Variants in MEIS1 observed in about 807,000 individuals in gnomAD.
MEIS1 encodes the protein homeobox protein Meis1.
MEIS1 carries 5 observed loss-of-function variants against 50.8 expected under a neutral mutation model. That is an observed-to-expected ratio of 0.10 (90% CI 0.05 to 0.21). The LOEUF is 0.21. Among genes scored for constraint, MEIS1 ranks in the 10% least tolerant of loss-of-function variants. MEIS1 has a pLI of 1.00. For synonymous variants in MEIS1, 176 were observed against 179.3 expected (o/e 0.98, Z 0.15); for missense variants, 318 against 517.3 (o/e 0.61, Z 3.74).
intron 7 of MEIS1, among the ~76,000 whole-genome samples, chr2:66,478,902 A>G (rs752031896): frequency 7.9e-5 from 12 of 152,180 alleles, no homozygotes; most frequent in Admixed American, 2.0e-4. Context: ...GGTACACATT[A>G]TTGTTGGTGA....
In MEIS1 at chr2:66,571,534, A is replaced by C. The variant is rs745385455; in HGVS notation, c.*326A>C. On this transcript the variant is annotated 3_prime_UTR_variant, in exon 13 of 13. Transcript: ENST00000272369. ...ATGGACATTCATGCTCAGTAGCTTA[A>C]GGGAATATGCATTGTCTGCAATGGT... 1.5e-5 allele frequency: 23 copies of C among 1,558,704 alleles called. No individual in the cohort carries two copies. In the South Asian group the frequency reaches 2.5e-4, roughly 17 times the overall value.
At chr2:66,562,675 G>A (rs773008465) in intron 9 of MEIS1, among the ~76,000 whole-genome samples, 1 of 152,034 alleles carries the variant, frequency 6.6e-6, no homozygotes, top group Non-Finnish European at 1.5e-5. Flanking sequence ...ATTTGGACAT[G>A]AAAAAAAGCT....
At chr2:66,471,060 C>T (rs1672750763) in intron 7 of MEIS1, among the ~76,000 whole-genome samples, 1 of 152,150 alleles carries the variant, frequency 6.6e-6, no homozygotes, top group African/African-American at 2.4e-5. Context: ...CCAAAGAGCT[C>T]CTGTCATTAG....
chr2:66,495,160 C>T (rs967097105), intron 7 of MEIS1, among the ~76,000 whole-genome samples: 1 of 143,208 alleles, frequency 7.0e-6, no homozygotes, highest in East Asian at 2.1e-4. Flanking sequence ...CATGATCACT[C>T]AGGCCAGTTT....
At chr2:66,530,426 A>G (rs1234873995) in intron 8 of MEIS1, among the ~76,000 whole-genome samples, 1 of 152,146 alleles carries the variant, frequency 6.6e-6, no homozygotes, top group East Asian at 1.9e-4. Context: ...AAAAATTAGT[A>G]CCATGGGGCC....
At chr2:66,452,072 C>G (rs942834947) in intron 6 of MEIS1, among the ~76,000 whole-genome samples, 4 of 151,814 alleles carry the variant, frequency 2.6e-5, no homozygotes, top group Non-Finnish European at 5.9e-5. Context: ...TGCTATTATG[C>G]TACAATCAGA....
chr2:66,548,794 C>T (rs1674851650), intron 9 of MEIS1, among the ~76,000 whole-genome samples: 2 of 152,196 alleles, frequency 1.3e-5, no homozygotes, highest in Admixed American at 1.3e-4. Context: ...GTAAGTGTAT[C>T]TAATTAATTG....
In MEIS1 at chr2:66,435,601, C is replaced by CT. The variant is rs142644762; in HGVS notation, c.-248dup. On this transcript the variant is annotated 5_prime_UTR_variant, in exon 1 of 13. Coordinates refer to ENST00000272369, the MANE Select transcript of MEIS1 (RefSeq NM_002398.3). ...TGATTTTTGGGGGAGAGAAGATCTG[C>CT]TTTTTTTTGCCCCCGCTGCTGTCTT... The CT allele has an allele frequency of 0.011, 4,277 of 377,198 alleles. 164 individuals carry two copies. The highest frequency in any genetic ancestry group is 0.081 in the African/African-American group (3,779 of 46,384). 23.4% of individuals were successfully genotyped at this position (377,198 alleles called of 1,614,324 possible). A position where few individuals can be genotyped will look rare whatever the true frequency, so the allele number is the denominator to read the frequency against.
chr2:66,564,530 T>C (rs1675292733), intron 9 of MEIS1, among the ~76,000 whole-genome samples: 1 of 152,152 alleles, frequency 6.6e-6, no homozygotes, highest in East Asian at 1.9e-4. Context: ...CTAGAAGGAC[T>C]CACATTCTAG....
intron 8 of MEIS1, among the ~76,000 whole-genome samples, chr2:66,520,279 C>G (rs1424387053): frequency 6.6e-6 from 1 of 150,998 alleles, no homozygotes; most frequent in Non-Finnish European, 1.5e-5. Context: ...TCGAGACCAT[C>G]CTGGCTAACC....
chr2:66,481,077 CAG>C (rs1367260939), intron 7 of MEIS1, among the ~76,000 whole-genome samples: 2 of 152,102 alleles, frequency 1.3e-5, no homozygotes, highest in Non-Finnish European at 1.5e-5. Context: ...TAGAAATGAG[CAG>C]AGAGGCAAGT....
chr2:66,520,716 T>C (rs1674096831), intron 8 of MEIS1, among the ~76,000 whole-genome samples: 1 of 152,244 alleles, frequency 6.6e-6, no homozygotes, highest in Admixed American at 6.5e-5. Context: ...TATGTATGTA[T>C]GTAGTGCTTT....
chr2:66,518,130 C>T (rs1474164348), intron 8 of MEIS1, among the ~76,000 whole-genome samples: 2 of 152,150 alleles, frequency 1.3e-5, no homozygotes, highest in African/African-American at 4.8e-5. Flanking sequence ...GGGGTAATTA[C>T]AGTCAGTTGA....
intron 7 of MEIS1, among the ~76,000 whole-genome samples, chr2:66,485,081 T>TTATA (rs60029625): frequency 6.6e-6 from 1 of 151,834 alleles, no homozygotes; most frequent in African/African-American, 2.4e-5. Context: ...TATTGTTGGC[T>TTATA]TATATATATA....
At chr2:66,495,289 C>T (rs570878775) in intron 7 of MEIS1, among the ~76,000 whole-genome samples, 3 of 151,836 alleles carry the variant, frequency 2.0e-5, no homozygotes, top group African/African-American at 7.2e-5. Context: ...ATTTTTTTTA[C>T]CCTGATCATA....
chr2:66,447,141 A>T (rs1672171750), intron 6 of MEIS1, among the ~76,000 whole-genome samples: 1 of 152,240 alleles, frequency 6.6e-6, no homozygotes, highest in African/African-American at 2.4e-5. Flanking sequence ...AGAAGCAAAT[A>T]GATAGGGCCA....
intron 6 of MEIS1, chr2:66,443,614 G>A (rs151101318): frequency 6.6e-6 from 1 of 152,658 alleles, no homozygotes; most frequent in African/African-American, 2.4e-5. Flanking sequence ...TTTGTGTGGT[G>A]TTCACTGCAA....
At chr2:66,563,658 G>A (rs182583786) in intron 9 of MEIS1, among the ~76,000 whole-genome samples, 1 of 152,146 alleles carries the variant, frequency 6.6e-6, no homozygotes, top group African/African-American at 2.4e-5. Flanking sequence ...GGGCATTTTA[G>A]AAACAAACAG....
At position 66,473,378 on chromosome 2, in the gene MEIS1, C is replaced by CAAAAAAAAA. The variant is rs71409174; in HGVS notation, c.742+9170_742+9178dup. Among the ~76,000 whole-genome samples the CAAAAAAAAA allele has an allele frequency of 6.1e-4, 33 of 53,930 alleles. 2 individuals are homozygous for CAAAAAAAAA. The highest frequency in any genetic ancestry group is 4.1e-3 in the African/African-American group (28 of 6,814). 35.4% of individuals were successfully genotyped at this position (53,930 alleles called of 152,430 possible). ...GGGTAACAAGAGTGAGACTCCATGT[C>CAAAAAAAAA]AAAAAAAAAAAAAAAAAAAATATAT... On this transcript the variant is annotated intron_variant, in intron 7 of 12. Coordinates refer to ENST00000272369, the MANE Select transcript of MEIS1 (RefSeq NM_002398.3).
Sources: gnomAD v4.1 joint callset for allele counts (sites outside exome capture counted in the v4.1 genomes callset) on GRCh38, gnomAD v4.1.1 for gene constraint, MANE v1.5 for transcripts, NCBI Gene and HGNC (gene_info 2026-07-23, HGNC 2026-07-21) for gene names.